The following FLRT2 variants were observed in gnomAD, a reference collection of about 807,000 sequenced individuals.
The protein encoded by FLRT2 is leucine-rich repeat transmembrane protein FLRT2.
A neutral mutation model predicts 40.0 loss-of-function variants in FLRT2; 15 were observed. That is an observed-to-expected ratio of 0.38 (90% CI 0.25 to 0.58). The LOEUF (loss-of-function observed/expected upper bound fraction) is 0.58, where lower values mean the gene tolerates loss of function less well. Among genes scored for constraint, FLRT2 ranks in the 20% least tolerant of loss-of-function variants. The pLI is 0.71. For synonymous variants in FLRT2, 380 were observed against 336.8 expected (o/e 1.13, Z -1.41); for missense variants, 726 against 840.0 (o/e 0.86, Z 1.68).
At chr14:85,544,749 T>C (rs1355682101) in intron 1 of FLRT2, among the ~76,000 whole-genome samples, 2 of 152,186 alleles carry the variant, frequency 1.3e-5, no homozygotes, top group African/African-American at 4.8e-5. Context: ...CTTTAGGTTC[T>C]TCTTGTTGGC....
At chr14:85,536,572 T>G (rs568130488) in intron 1 of FLRT2, among the ~76,000 whole-genome samples, 1 of 152,308 alleles carries the variant, frequency 6.6e-6, no homozygotes, top group Admixed American at 6.5e-5. Flanking sequence ...ACTTTGTGAT[T>G]TCTGCTACAG....
chr14:85,532,617 A>G (rs1244854482), intron 1 of FLRT2, among the ~76,000 whole-genome samples: 2 of 152,208 alleles, frequency 1.3e-5, no homozygotes, highest in Non-Finnish European at 2.9e-5. Flanking sequence ...CGCTCTTGCC[A>G]GAAGCAGCCA....
At chr14:85,575,265 A>T (rs12586603) in intron 1 of FLRT2, among the ~76,000 whole-genome samples, 2 of 151,812 alleles carry the variant, frequency 1.3e-5, no homozygotes, top group African/African-American at 2.4e-5. Context: ...GGATGGAGTA[A>T]GGGCTTCTGT....
intron 1 of FLRT2, among the ~76,000 whole-genome samples, chr14:85,609,543 G>A (rs1262345770): frequency 6.6e-6 from 1 of 152,208 alleles, no homozygotes. Context: ...GTTTCATTTA[G>A]TCTTGACCTC....
At position 85,643,292 on chromosome 14, in the gene FLRT2, TTTCTTTCTTTCTTTC is replaced by T. The variant is rs1398857586; in HGVS notation, c.*19798_*19812del. 2 of 88,006 alleles carry T rather than the reference TTTCTTTCTTTCTTTC, an allele frequency of 2.3e-5. No homozygotes were observed. The highest frequency in any genetic ancestry group is 4.1e-5 in the Non-Finnish European group (2 of 48,478). The allele number at this position is 88,006 out of a possible 1,614,324, so 5.5% of individuals were successfully genotyped here. On this transcript the variant is annotated 3_prime_UTR_variant, in exon 2 of 2. Coordinates refer to ENST00000330753, the MANE Select transcript of FLRT2 (RefSeq NM_013231.6). Reference sequence around the variant, plus strand: ...GAGAGTTCAGAGGGTATTTCTTTTTTTTCTTTCTTTCTTTCTTTCTTTCTTTCTTTCTTTCTTTCT... The same window carrying T: ...GAGAGTTCAGAGGGTATTTCTTTTTTTTTCTTTCTTTCTTTCTTTCTTTCT...
chr14:85,544,996 G>C (rs1282870643), intron 1 of FLRT2, among the ~76,000 whole-genome samples: 1 of 152,044 alleles, frequency 6.6e-6, no homozygotes, highest in Non-Finnish European at 1.5e-5. Flanking sequence ...TGCATGTTGG[G>C]AATACTTCCC....
chr14:85,619,267 T>C (rs2139365725), intron 1 of FLRT2, among the ~76,000 whole-genome samples: 1 of 152,024 alleles, frequency 6.6e-6, no homozygotes, highest in Admixed American at 6.6e-5. Flanking sequence ...TAATTTTTAA[T>C]AGAAATGGGG....
intron 1 of FLRT2, among the ~76,000 whole-genome samples, chr14:85,558,278 CT>C (rs1212551768): frequency 6.6e-6 from 1 of 151,756 alleles, no homozygotes; most frequent in African/African-American, 2.4e-5. Flanking sequence ...TATAGTCAGG[CT>C]TTTCAGGAAT....
rs746240615 is a variant in FLRT2, at chr14:85,621,769, C to T, written c.255C>T (p.His85=). ...ATGCTGGATTTCCTGCAGAACTGCA[C>T]AATGTACAGTCGGTGCACACGGTCT... is the stretch of plus-strand genomic sequence containing the variant. ...INNAGFPAEL[H]NVQSVHTVYL... Residue 85 remains histidine (H), a synonymous_variant, in exon 2 of 2, where the codon CAC becomes CAT. Transcript: ENST00000330753. 5.0e-6 allele frequency: 8 copies of T among 1,614,112 alleles called. No homozygotes were observed. The highest frequency in any genetic ancestry group is 6.8e-6 in the Non-Finnish European group (8 of 1,180,050).
At chr14:85,546,070 A>T (rs542925343) in intron 1 of FLRT2, among the ~76,000 whole-genome samples, 1 of 152,320 alleles carries the variant, frequency 6.6e-6, no homozygotes, top group African/African-American at 2.4e-5. Flanking sequence ...GGCTTGTTCC[A>T]CATTGATGAA....
At position 85,653,006 on chromosome 14, in the gene FLRT2, A is replaced by C. The variant is rs1894471534; in HGVS notation, c.*29509A>C. Reference sequence around the variant, plus strand: ...GCCTTTAACCACATGAGAACAAATAAGGGAATATTAAGGTTTTAACTCAAG... The same window carrying C: ...GCCTTTAACCACATGAGAACAAATACGGGAATATTAAGGTTTTAACTCAAG... On this transcript the variant is annotated 3_prime_UTR_variant, in exon 2 of 2. Coordinates refer to ENST00000330753, the MANE Select transcript of FLRT2 (RefSeq NM_013231.6). 6.6e-6 allele frequency: 1 copy of C among 152,164 alleles called. No homozygotes were observed. The highest frequency in any genetic ancestry group is 2.4e-5 in the African/African-American group (1 of 41,448). 9.4% of individuals were successfully genotyped at this position (152,164 alleles called of 1,614,324 possible).
chr14:85,634,417 G>A lies in FLRT2; in HGVS notation c.*10920G>A, dbSNP rs1313793141. On this transcript the variant is annotated 3_prime_UTR_variant, in exon 2 of 2. Coordinates refer to ENST00000330753, the MANE Select transcript of FLRT2 (RefSeq NM_013231.6). Reference sequence around the variant, plus strand: ...CTATTGCTAAGTATTTTACATAACTGCCCTCATTAGTTGGAATATAGCATG... The same window carrying A: ...CTATTGCTAAGTATTTTACATAACTACCCTCATTAGTTGGAATATAGCATG... 2 of 152,108 alleles carry A rather than the reference G, an allele frequency of 1.3e-5. No homozygotes were observed. Among genetic ancestry groups the A allele is most frequent in the African/African-American group, 4.8e-5 (2 of 41,430 alleles). The allele number at this position is 152,108 out of a possible 1,614,324, so 9.4% of individuals were successfully genotyped here. A position where few individuals can be genotyped will look rare whatever the true frequency, so the allele number is the denominator to read the frequency against.
intron 1 of FLRT2, among the ~76,000 whole-genome samples, chr14:85,556,906 G>T (rs1232623214): frequency 1.3e-5 from 2 of 152,144 alleles, no homozygotes; most frequent in African/African-American, 4.8e-5. Flanking sequence ...GTTCCACATG[G>T]CTGGGGAGGC....
At chr14:85,533,212 A>G (rs775037222) in intron 1 of FLRT2, among the ~76,000 whole-genome samples, 2 of 151,440 alleles carry the variant, frequency 1.3e-5, no homozygotes, top group African/African-American at 2.4e-5. Context: ...AGCGCGAGGG[A>G]CGGAGGGAGA....
At chr14:85,539,216 C>T (rs1258762241) in intron 1 of FLRT2, among the ~76,000 whole-genome samples, 1 of 151,970 alleles carries the variant, frequency 6.6e-6, no homozygotes, top group African/African-American at 2.4e-5. Context: ...ACCTGCCTCA[C>T]TTCTGATTGG....
chr14:85,536,639 T>G (rs1195990077), intron 1 of FLRT2, among the ~76,000 whole-genome samples: 3 of 19,942 alleles, frequency 1.5e-4, no homozygotes, highest in Non-Finnish European at 2.5e-4. Context: ...TACTCATGGT[T>G]TTTTTTTTTT....
chr14:85,556,296 T>C (rs1043070717), intron 1 of FLRT2, among the ~76,000 whole-genome samples: 1 of 152,214 alleles, frequency 6.6e-6, no homozygotes, highest in Non-Finnish European at 1.5e-5. Context: ...CTTTTAGATT[T>C]TTAGCTTGCC....
In FLRT2 at chr14:85,643,296, TTTCTTTCTTTC is replaced by T. The variant is rs1566774394; in HGVS notation, c.*19802_*19812del. 2.7e-4 allele frequency: 24 copies of T among 88,014 alleles called. No individual in the cohort carries two copies. The South Asian group carries it at 5.6e-3, about 21-fold the overall frequency. 5.5% of individuals were successfully genotyped at this position (88,014 alleles called of 1,614,324 possible). ...GTTCAGAGGGTATTTCTTTTTTTTC[TTTCTTTCTTTC>T]TTTCTTTCTTTCTTTCTTTCTTTCT... On this transcript the variant is annotated 3_prime_UTR_variant, in exon 2 of 2. Transcript: ENST00000330753.
chr14:85,540,692 G>A (rs771201314), intron 1 of FLRT2, among the ~76,000 whole-genome samples: 8 of 149,380 alleles, frequency 5.4e-5, no homozygotes, highest in Admixed American at 2.7e-4. Flanking sequence ...ATTTGCTATT[G>A]TCGGAGTTCT....
Sources: gnomAD v4.1 joint callset for allele counts (sites outside exome capture counted in the v4.1 genomes callset) on GRCh38, gnomAD v4.1.1 for gene constraint, MANE v1.5 for transcripts, NCBI Gene and HGNC (gene_info 2026-07-23, HGNC 2026-07-21) for gene names.